Variants in GSN observed in about 807,000 individuals in gnomAD.
The protein encoded by GSN is actin-depolymerizing factor.
In GSN, 56 loss-of-function variants were observed where a neutral mutation model predicts 85.7. The ratio of observed to expected loss-of-function variants is 0.65; its 90% confidence interval spans 0.53 to 0.82. GSN has a LOEUF of 0.82. Ranked by LOEUF, GSN falls within the 40% of genes least tolerant of loss-of-function variation. GSN has a pLI of 0.00. For synonymous variants in GSN, 373 were observed against 399.1 expected (o/e 0.93, Z 0.78); for missense variants, 857 against 979.8 (o/e 0.87, Z 1.67).
At position 121,287,518 on chromosome 9, in the gene GSN, G is replaced by A. The variant is rs149075601; in HGVS notation, c.-10+5956G>A. Among the ~76,000 whole-genome samples, 75 of 152,160 alleles carry A rather than the reference G, an allele frequency of 4.9e-4. No homozygotes were observed. In the Middle Eastern group the frequency reaches 0.01, roughly 21 times the overall value. The stretch of plus-strand genomic sequence containing the variant: ...TTTCCTGAGCTCCTTGGGTGATCCT[G>A]CTGCACACCTGGTCCACAGAGGTGT... On this transcript the variant is annotated intron_variant, in intron 2 of 17. Coordinates refer to ENST00000432226, the MANE Select transcript of GSN (RefSeq NM_198252.3).
chr9:121,299,743 C>T lies in GSN; in HGVS notation c.-9-2220C>T. 1 of 1,116,682 alleles carries T rather than the reference C, an allele frequency of 9.0e-7. No individual in the cohort carries two copies. Among genetic ancestry groups the T allele is most frequent in the Non-Finnish European group, 1.1e-6 (1 of 895,500 alleles). 69.2% of individuals were successfully genotyped at this position (1,116,682 alleles called of 1,614,324 possible). The stretch of plus-strand genomic sequence containing the variant: ...TGTCTCCAAGATCCGAGACAGATCC[C>T]CGCCCCGCGCCCTCCCTGGGGGGCG... On this transcript the variant is annotated intron_variant, in intron 2 of 17. Transcript: ENST00000432226. This position sits in a 1 kb window ranked among gnomAD's most constrained non-coding sequence, Gnocchi z 4.2.
chr9:121,332,725 CT>C lies in GSN; in HGVS notation c.*136del, dbSNP rs71680051. ...GTGTGTGTGTGTGTGTGTGTTGTTT[CT>C]TTTTTTTTTTTTTACAGTATCCAAA... is the stretch of plus-strand genomic sequence containing the variant. On this transcript the variant is annotated 3_prime_UTR_variant, in exon 18 of 18. Transcript: ENST00000432226. The surrounding 1 kb of genome is among the most constrained non-coding windows in gnomAD (Gnocchi z 4.8). The C allele has an allele frequency of 0.26, 144,333 of 555,048 alleles. No individual in the cohort carries two copies. Among genetic ancestry groups the C allele is most frequent in the Middle Eastern group, 0.33 (644 of 1,962 alleles). 34.4% of individuals were successfully genotyped at this position (555,048 alleles called of 1,614,324 possible). A position where few individuals can be genotyped will look rare whatever the true frequency, so the allele number is the denominator to read the frequency against.
At chr9:121,205,152 C>A (rs1358772575), upstream of GSN, among the ~76,000 whole-genome samples, 22 of 152,324 alleles carry the variant, frequency 1.4e-4, no homozygotes, top group Non-Finnish European at 1.2e-4. Context: ...CTTCTACCTC[C>A]ACTCCACTAC....
intron 1 of GSN, among the ~76,000 whole-genome samples, chr9:121,277,302 AAAG>A (rs1048437026): frequency 6.6e-6 from 1 of 152,208 alleles, no homozygotes; most frequent in Admixed American, 6.5e-5. Context: ...GCTGGACAAA[AAAG>A]ATGTTCTAGA....
chr9:121,310,959 AC>A, intron 5 of GSN, 114 bp downstream of exon 5: 1 of 907,716 alleles, frequency 1.1e-6, no homozygotes. Context: ...AACCACAGGG[AC>A]CAGCATTGTT....
At chr9:121,248,704 C>T (rs959787038) in intron 6 of GSN, among the ~76,000 whole-genome samples, 3 of 152,082 alleles carry the variant, frequency 2.0e-5, no homozygotes, top group Admixed American at 6.5e-5. Context: ...AGGTAGAGGT[C>T]ATGGAAATGG....
At chr9:121,330,727 A>T (rs998581440) in intron 16 of GSN, among the ~76,000 whole-genome samples, 1 of 152,208 alleles carries the variant, frequency 6.6e-6, no homozygotes, top group African/African-American at 2.4e-5. Context: ...TTGTAACAAG[A>T]CTCAAAATGG....
At position 121,302,129 on chromosome 9, in the gene GSN, G is replaced by A. The variant is rs2059941143; in HGVS notation, c.158G>A (p.Arg53Lys). The A allele has an allele frequency of 6.2e-7, 1 of 1,614,232 alleles. No homozygotes were observed. The highest frequency in any genetic ancestry group is 8.5e-7 in the Non-Finnish European group (1 of 1,180,018). Residue 53 changes from arginine (R) to lysine (K), a missense_variant, in exon 3 of 18, where the codon AGG becomes AAG. By Grantham distance (26) the Arg-to-Lys change is conservative. Coordinates refer to ENST00000432226, the MANE Select transcript of GSN (RefSeq NM_198252.3). ...AYVILKTVQL[R>K]NGNLQYDLHY... ...GTCATCCTGAAGACAGTGCAGCTGA[G>A]GAACGGAAATCTGCAGTATGACCTC...
In GSN at chr9:121,275,954, A is replaced by T. The variant is rs78211303; in HGVS notation, c.-102-5516A>T. Among the ~76,000 whole-genome samples the T allele has an allele frequency of 2.8e-3, 430 of 152,306 alleles. 1 individual carries two copies. Among genetic ancestry groups the T allele is most frequent in the Middle Eastern group, 0.01 (3 of 294 alleles). On this transcript the variant is annotated intron_variant, in intron 1 of 17. Transcript: ENST00000432226. Reference sequence around the variant, plus strand: ...GTTTGGGGCATAATTATACCAAGACATCTTATTGTCTTTCTGACATTTAGA... The same window carrying T: ...GTTTGGGGCATAATTATACCAAGACTTCTTATTGTCTTTCTGACATTTAGA...
intron 4 of GSN, among the ~76,000 whole-genome samples, chr9:121,216,011 A>T (rs2054057414): frequency 6.6e-6 from 1 of 151,814 alleles, no homozygotes; most frequent in African/African-American, 2.4e-5. Flanking sequence ...TTATTTATTT[A>T]TTTATTATTT....
chr9:121,207,157 G>A (rs2053895037), upstream of GSN, among the ~76,000 whole-genome samples: 2 of 152,340 alleles, frequency 1.3e-5, no homozygotes, highest in South Asian at 4.1e-4. Context: ...CTGAATTAAA[G>A]TGATGATGAA....
chr9:121,267,544 A>T (rs567952921), upstream of GSN, among the ~76,000 whole-genome samples: 1 of 152,122 alleles, frequency 6.6e-6, no homozygotes, highest in South Asian at 2.1e-4. Flanking sequence ...GCTTGCCCAA[A>T]GTTACAGGAC....
At chr9:121,262,601 T>C (rs1236837970) in intron 6 of GSN, among the ~76,000 whole-genome samples, 1 of 152,198 alleles carries the variant, frequency 6.6e-6, no homozygotes, top group Non-Finnish European at 1.5e-5. Flanking sequence ...AGCTGGGAAA[T>C]CCTCTGCTGT....
intron 2 of GSN, among the ~76,000 whole-genome samples, chr9:121,287,682 C>CT (rs5900480): frequency 0.68 from 102,224 of 150,030 alleles, 35,129 homozygotes; most frequent in East Asian, 0.81. Flanking sequence ...AGCGTGTGGG[C>CT]TTTTTTTTTC....
At chr9:121,254,186 A>G (rs2054898577) in intron 6 of GSN, among the ~76,000 whole-genome samples, 1 of 152,224 alleles carries the variant, frequency 6.6e-6, no homozygotes, top group South Asian at 2.1e-4. Flanking sequence ...CAAACTGCAT[A>G]ATACAGTTGG....
rs140414249 is a variant in GSN, at chr9:121,326,658, C to T, written c.1563C>T (p.Ser521=). The T allele has an allele frequency of 2.8e-4, 443 of 1,608,470 alleles. 3 individuals carry two copies. The highest frequency in any genetic ancestry group is 6.6e-5 in the Non-Finnish European group (78 of 1,177,386). The change falls in exon 13 of 18, where the codon AGC becomes AGT. Residue 521 remains serine (S), a synonymous_variant. Coordinates refer to ENST00000432226, the MANE Select transcript of GSN (RefSeq NM_198252.3). ...STRLFQVRAN[S]AGATRAVEVL... ...GCCTCTTCCAGGTCCGCGCCAACAG[C>T]GCTGGAGCCACCCGGGCTGTTGAGG...
chr9:121,317,150 G>A lies in GSN; in HGVS notation c.818G>A (p.Gly273Glu). 1 of 1,614,190 alleles carries A rather than the reference G, an allele frequency of 6.2e-7. No homozygotes were observed. Among genetic ancestry groups the A allele is most frequent in the Non-Finnish European group, 8.5e-7 (1 of 1,180,014 alleles). ...GCTGATGAGAACCCCTTCGCCCAGG[G>A]GGCCCTGAAGTCAGAGGACTGCTTC... ...LVADENPFAQ[G>E]ALKSEDCFIL... The change falls in exon 8 of 18, where the codon GGG becomes GAG. Residue 273 changes from glycine (G) to glutamate (E), a missense_variant. Coordinates refer to ENST00000432226, the MANE Select transcript of GSN (RefSeq NM_198252.3).
At chr9:121,287,987 C>G in intron 2 of GSN, among the ~76,000 whole-genome samples, 1 of 152,068 alleles carries the variant, frequency 6.6e-6, no homozygotes, top group South Asian at 2.1e-4. Flanking sequence ...AGTGCAGTGG[C>G]GTGATCTCTG....
At chr9:121,321,141 C>G (rs1387731437) in intron 10 of GSN, 127 bp from the exon 11 acceptor site, 2 of 1,025,654 alleles carry the variant, frequency 1.9e-6, no homozygotes, top group Non-Finnish European at 3.0e-6. Context: ...AACTCCAGTC[C>G]GAGCCCAAGT....
Sources: gnomAD v4.1 joint callset for allele counts (sites outside exome capture counted in the v4.1 genomes callset) on GRCh38, gnomAD v4.1.1 for gene constraint, Gnocchi (gnomAD v3.1) non-coding constraint, MANE v1.5 for transcripts, NCBI Gene and HGNC (gene_info 2026-07-23, HGNC 2026-07-21) for gene names.